The following NADK variants were observed in gnomAD, a reference collection of about 807,000 sequenced individuals.
NADK encodes NAD kinase.
In NADK, 22 loss-of-function variants were observed where a neutral mutation model predicts 49.8. The observed-to-expected ratio is 0.44, with a 90% CI of 0.32 to 0.63. The LOEUF is 0.63. Ranked by LOEUF, NADK falls within the 30% of genes least tolerant of loss-of-function variation. The pLI, the probability that NADK is intolerant of heterozygous loss-of-function variation, is 0.06. For synonymous variants in NADK, 268 were observed against 253.7 expected (o/e 1.06, Z -0.54); for missense variants, 438 against 609.4 (o/e 0.72, Z 2.96).
Position 1,778,425 on chromosome 1 carries a change from C to T in NADK, c.-177G>A, listed in dbSNP as rs1199912506. On this transcript the variant is annotated 5_prime_UTR_variant, in exon 1 of 12. Transcript: ENST00000341426. The surrounding 1 kb of genome is among the most constrained non-coding windows in gnomAD (Gnocchi z 4.9). ...CCTGTTGCCCCATGGCCGCCCGGAC[C>T]CCGGCGCCGGCGCCGCCGAGCAGCA... 1.2e-4 allele frequency: 18 copies of T among 148,314 alleles called. No homozygotes were observed. Among genetic ancestry groups the T allele is most frequent in the Admixed American group, 1.1e-3 (17 of 14,914 alleles). The allele number at this position is 148,314 out of a possible 1,614,324, so 9.2% of individuals were successfully genotyped here.
In NADK at chr1:1,773,709, T is replaced by TGA. The variant is rs1209994797; in HGVS notation, c.-41+4579_-41+4580insTC. ...GTGTGTGTGTGTGTGTGTGTGTGTGTGTGTGTGTGTGTGTGTGTGTGAGAG... is the reference window on the plus strand; with the variant it reads ...GTGTGTGTGTGTGTGTGTGTGTGTGTGAGTGTGTGTGTGTGTGTGTGTGAGAG... On this transcript the variant is annotated intron_variant, in intron 1 of 11. Coordinates refer to ENST00000341426, the MANE Select transcript of NADK (RefSeq NM_023018.5). Among the ~76,000 whole-genome samples, 324 of 99,234 alleles carry TGA rather than the reference T, an allele frequency of 3.3e-3. 2 individuals carry two copies. The highest frequency in any genetic ancestry group is 0.014 in the East Asian group (45 of 3,224). 65.1% of individuals were successfully genotyped at this position (99,234 alleles called of 152,430 possible).
rs70937193 is a variant in NADK at position 1,766,410 on chromosome 1, CAAAAAAAAAAAAAAAAAAAAAAAAA to C, written c.-40-989_-40-965del. 7.0e-3 allele frequency among the ~76,000 whole-genome samples: 188 copies of C among 27,010 alleles called. 2 individuals carry two copies. The highest frequency in any genetic ancestry group is 0.014 in the African/African-American group (172 of 12,134). 17.7% of individuals were successfully genotyped at this position (27,010 alleles called of 152,430 possible). The stretch of plus-strand genomic sequence containing the variant: ...AACAAGAACGAAAGAAACTCCGTCT[CAAAAAAAAAAAAAAAAAAAAAAAAA>C]AAAAAAAAAAAAAAAGACAGGCTCT... On this transcript the variant is annotated intron_variant, in intron 1 of 11. Coordinates refer to ENST00000341426, the MANE Select transcript of NADK (RefSeq NM_023018.5).
At chr1:1,757,153 AGG>A in intron 4 of NADK, 26 bp downstream of exon 4, 19 of 416,650 alleles carry the variant, frequency 4.6e-5, no homozygotes, top group Admixed American at 3.6e-4. Context: ...TGTGCACCCC[AGG>A]CCCCCTTCCC....
chr1:1,760,738 G>A (rs1645695579), intron 3 of NADK, among the ~76,000 whole-genome samples: 1 of 149,956 alleles, frequency 6.7e-6, no homozygotes, highest in African/African-American at 2.5e-5. Context: ...AGGCCTGAGA[G>A]CTGAGGCACC....
chr1:1,755,224 T>A, intron 7 of NADK, 150 bp downstream of exon 7: 1 of 678,352 alleles, frequency 1.5e-6, no homozygotes. Context: ...AGTAAAAGGT[T>A]TGAACCACTC....
At chr1:1,770,018 T>A (rs1224980093) in intron 1 of NADK, among the ~76,000 whole-genome samples, 1 of 149,634 alleles carries the variant, frequency 6.7e-6, no homozygotes, top group East Asian at 2.0e-4. Context: ...AACAAAAAAA[T>A]TAGCCTGGAG....
intron 1 of NADK, among the ~76,000 whole-genome samples, chr1:1,771,051 AAAAAAT>A (rs1483588557): frequency 2.8e-5 from 4 of 145,176 alleles, no homozygotes; most frequent in Non-Finnish European, 4.5e-5. Flanking sequence ...ATAAAAAAAA[AAAAAAT>A]ATATATATAT....
rs754096316 is a variant in NADK, at chr1:1,754,721, G to C, written c.689-23C>G. The C allele has an allele frequency of 6.3e-7, 1 of 1,598,720 alleles. No individual in the cohort carries two copies. On this transcript the variant is annotated intron_variant, in intron 7 of 11. Transcript: ENST00000341426. The surrounding 1 kb of genome is among the most constrained non-coding windows in gnomAD (Gnocchi z 4.3). ...TCCCTGAGGTCCAGCAGGAGTCAGA[G>C]GGCATGCATCAGGGAAGTCAGTGGG...
chr1:1,759,201 G>A (rs888030545), intron 3 of NADK: 35 of 1,573,750 alleles, frequency 2.2e-5, no homozygotes, highest in Non-Finnish European at 3.0e-5. Flanking sequence ...ACCCACCGCT[G>A]TGTGTGACCA....
At chr1:1,764,885 AGC>A (rs1162569600) in intron 2 of NADK, among the ~76,000 whole-genome samples, 1 of 152,218 alleles carries the variant, frequency 6.6e-6, no homozygotes, top group Non-Finnish European at 1.5e-5. Context: ...TGGGGGACAG[AGC>A]GAGACTCAGT....
At chr1:1,771,365 G>A (rs2100369051) in intron 1 of NADK, among the ~76,000 whole-genome samples, 2 of 152,158 alleles carry the variant, frequency 1.3e-5, no homozygotes, top group South Asian at 4.1e-4. Context: ...CAAAAGCCAA[G>A]CAGGCTTCTC....
In NADK at chr1:1,754,486, TGGGACCGAAG is replaced by T. The variant is rs1645443824; in HGVS notation, c.843+48_843+57del. ...GGGCTCTCCGGAAGGTCCTCATCCC[TGGGACCGAAG>T]TCGCCCCACCCTGGGCCCCTCACCG... On this transcript the variant is annotated intron_variant, in intron 8 of 11. Coordinates refer to ENST00000341426, the MANE Select transcript of NADK (RefSeq NM_023018.5). This position sits in a 1 kb window ranked among gnomAD's most constrained non-coding sequence, Gnocchi z 4.3. The T allele has an allele frequency of 2.1e-6, 1 of 469,072 alleles. No individual in the cohort carries two copies. Among genetic ancestry groups the T allele is most frequent in the Admixed American group, 9.0e-5 (1 of 11,118 alleles). 29.1% of individuals were successfully genotyped at this position (469,072 alleles called of 1,614,324 possible).
intron 1 of NADK, among the ~76,000 whole-genome samples, chr1:1,776,303 G>A (rs1308096011): frequency 2.0e-5 from 3 of 152,028 alleles, no homozygotes; most frequent in Non-Finnish European, 4.4e-5. Context: ...CAACTTTCTG[G>A]GACACCCTCA....
chr1:1,774,936 T>C (rs1646167857), intron 1 of NADK, among the ~76,000 whole-genome samples: 1 of 151,822 alleles, frequency 6.6e-6, no homozygotes, highest in South Asian at 2.1e-4. Flanking sequence ...TGAAACTCCG[T>C]CTCTACTAAA....
chr1:1,777,733 G>A (rs982378633), intron 1 of NADK, among the ~76,000 whole-genome samples: 1 of 152,064 alleles, frequency 6.6e-6, no homozygotes, highest in Non-Finnish European at 1.5e-5. Flanking sequence ...GCTCAAGGCC[G>A]GTGCTGACAT....
In NADK at chr1:1,761,932, C is replaced by T; in HGVS notation, c.263+20G>A. ...TCTCTCCCTTCCAAGAACCCCCCGT[C>T]CTGGGGCCCCAGCACTCACATGATG... On this transcript the variant is annotated intron_variant, in intron 3 of 11. Transcript: ENST00000341426. The T allele has an allele frequency of 4.3e-6, 7 of 1,613,468 alleles. No individual in the cohort carries two copies. The highest frequency in any genetic ancestry group is 5.9e-6 in the Non-Finnish European group (7 of 1,179,522).
chr1:1,758,611 T>C, intron 3 of NADK: 1 of 1,468,262 alleles, frequency 6.8e-7, no homozygotes, highest in Non-Finnish European at 9.0e-7. Flanking sequence ...ACAATTGTGA[T>C]GAGACTTGGT....
At chr1:1,757,594 C>T (rs1034606535) in intron 3 of NADK, among the ~76,000 whole-genome samples, 4 of 152,102 alleles carry the variant, frequency 2.6e-5, no homozygotes, top group Non-Finnish European at 5.9e-5. Context: ...GTGCACGCAC[C>T]ACAGCCCTTC....
At position 1,754,925 on chromosome 1, in the gene NADK, G is replaced by C. The variant is rs1227264811; in HGVS notation, c.689-227C>G. ...CAACCTCTGCCTCCCAGGTTCAAGT[G>C]ATTCTCCTGCCTCAGCCTCCCAAGT... On this transcript the variant is annotated intron_variant, in intron 7 of 11. Transcript: ENST00000341426. This position sits in a 1 kb window ranked among gnomAD's most constrained non-coding sequence, Gnocchi z 4.3. 3 of 496,432 alleles carry C rather than the reference G, an allele frequency of 6.0e-6. No homozygotes were observed. The highest frequency in any genetic ancestry group is 3.5e-6 in the Non-Finnish European group (1 of 282,396). The allele number at this position is 496,432 out of a possible 1,614,324, so 30.8% of individuals were successfully genotyped here.
Sources: allele counts gnomAD v4.1 joint callset (sites outside exome capture counted in the v4.1 genomes callset), GRCh38; gene constraint gnomAD v4.1.1; non-coding constraint Gnocchi (gnomAD v3.1); transcripts MANE v1.5; gene names NCBI Gene and HGNC (gene_info 2026-07-23, HGNC 2026-07-21).